The following SCAPER variants were observed in gnomAD, a reference collection of about 807,000 sequenced individuals.
SCAPER encodes S-phase cyclin A associated protein in the ER, also known as S phase cyclin A-associated protein in the endoplasmic reticulum.
Under a neutral mutation model 182.2 loss-of-function variants are expected in SCAPER, and 98 were observed. The observed-to-expected ratio is 0.54, with a 90% CI of 0.46 to 0.64. The LOEUF (loss-of-function observed/expected upper bound fraction) is 0.64. Ranked by LOEUF, SCAPER falls within the 30% of genes least tolerant of loss-of-function variation. SCAPER has a pLI of 0.00. For synonymous variants in SCAPER, 605 were observed against 564.6 expected (o/e 1.07, Z -1.01); for missense variants, 1,432 against 1,690.0 (o/e 0.85, Z 2.68).
chr15:76,863,820 C>G (rs984457757), intron 2 of SCAPER, among the ~76,000 whole-genome samples: 18 of 152,254 alleles, frequency 1.2e-4, no homozygotes, highest in African/African-American at 3.6e-4. Context: ...GCTTTGCAGC[C>G]TCCACCTGAG....
chr15:76,686,764 A>G (rs1157969020), intron 20 of SCAPER, among the ~76,000 whole-genome samples: 1 of 152,148 alleles, frequency 6.6e-6, no homozygotes, highest in Non-Finnish European at 1.5e-5. Flanking sequence ...TAAGCATTAT[A>G]ATACTGAAGG....
chr15:76,629,903 G>C lies in SCAPER; in HGVS notation c.2646-8074C>G, dbSNP rs192993870. Reference sequence around the variant, plus strand: ...CATCTGGTCTTGGGCTTTTCTTTTGGTTGGTAGGCTATTTATCACCTGCCT... The same window carrying C: ...CATCTGGTCTTGGGCTTTTCTTTTGCTTGGTAGGCTATTTATCACCTGCCT... On this transcript the variant is annotated intron_variant, in intron 21 of 31. Transcript: ENST00000563290. 2.6e-5 allele frequency among the ~76,000 whole-genome samples: 4 copies of C among 152,178 alleles called. No homozygotes were observed. In the East Asian group the frequency reaches 7.7e-4, roughly 29 times the overall value.
intron 15 of SCAPER, among the ~76,000 whole-genome samples, chr15:76,734,877 T>G (rs993116353): frequency 6.6e-6 from 1 of 152,004 alleles, no homozygotes; most frequent in Non-Finnish European, 1.5e-5. Flanking sequence ...ATTCCATCTC[T>G]CTCTCTCTAT....
At chr15:76,796,332 ACCAGTT>A (rs1324951095) in intron 7 of SCAPER, among the ~76,000 whole-genome samples, 1 of 152,230 alleles carries the variant, frequency 6.6e-6, no homozygotes, top group Non-Finnish European at 1.5e-5. Context: ...CAGCAACTTT[ACCAGTT>A]CCCTTTATCA....
At chr15:76,446,932 T>C (rs2048040333) in intron 25 of SCAPER, among the ~76,000 whole-genome samples, 1 of 152,216 alleles carries the variant, frequency 6.6e-6, no homozygotes, top group Admixed American at 6.5e-5. Context: ...CATGATTCAA[T>C]AAATTACATG....
At chr15:76,782,501 G>A (rs972903726) in intron 8 of SCAPER, among the ~76,000 whole-genome samples, 1 of 152,158 alleles carries the variant, frequency 6.6e-6, no homozygotes, top group African/African-American at 2.4e-5. Flanking sequence ...AGATATCCAT[G>A]ACTTGAACTC....
intron 26 of SCAPER, among the ~76,000 whole-genome samples, chr15:76,406,615 T>TACACACACAC (rs36219509): frequency 2.0e-5 from 3 of 149,594 alleles, no homozygotes; most frequent in African/African-American, 7.4e-5. Context: ...AGACCCTGTC[T>TACACACACAC]ACACACACAC....
intron 23 of SCAPER, among the ~76,000 whole-genome samples, chr15:76,524,540 A>G (rs112341998): frequency 1.6e-4 from 25 of 152,204 alleles, no homozygotes; most frequent in African/African-American, 6.0e-4. Context: ...CTTAATATTT[A>G]CATCTTACTG....
intron 22 of SCAPER, among the ~76,000 whole-genome samples, chr15:76,590,419 TA>T (rs1468467361): frequency 6.6e-6 from 1 of 152,172 alleles, no homozygotes; most frequent in Admixed American, 6.5e-5. Flanking sequence ...AAATACACTA[TA>T]AAAAATTACA....
intron 23 of SCAPER, among the ~76,000 whole-genome samples, chr15:76,525,608 G>A: frequency 6.6e-6 from 1 of 152,136 alleles, no homozygotes; most frequent in South Asian, 2.1e-4. Context: ...TTATCAGTGA[G>A]AACATGTGGT....
chr15:76,763,496 G>C (rs2062923720), intron 14 of SCAPER, among the ~76,000 whole-genome samples: 1 of 151,830 alleles, frequency 6.6e-6, no homozygotes, highest in African/African-American at 2.4e-5. Context: ...CTATGAGCTT[G>C]AGTCTGGATA....
chr15:76,689,448 T>G (rs1385208633), intron 20 of SCAPER, among the ~76,000 whole-genome samples: 2 of 152,064 alleles, frequency 1.3e-5, no homozygotes, highest in Non-Finnish European at 2.9e-5. Context: ...TGTGTATATT[T>G]TATTAAAATA....
chr15:76,407,592 ATATAG>A (rs983410859), intron 26 of SCAPER, among the ~76,000 whole-genome samples: 4 of 152,198 alleles, frequency 2.6e-5, no homozygotes, highest in Non-Finnish European at 4.4e-5. Context: ...ATAGAAATTT[ATATAG>A]TAAAGAAAAG....
At chr15:76,545,758 T>C (rs2144832440) in intron 23 of SCAPER, among the ~76,000 whole-genome samples, 1 of 151,538 alleles carries the variant, frequency 6.6e-6, no homozygotes, top group Non-Finnish European at 1.5e-5. Context: ...GAAATAAGAG[T>C]TCAGGAAGGT....
At chr15:76,456,442 G>A (rs2048741763) in intron 25 of SCAPER, among the ~76,000 whole-genome samples, 1 of 152,146 alleles carries the variant, frequency 6.6e-6, no homozygotes, top group South Asian at 2.1e-4. Flanking sequence ...TCATCCCACT[G>A]TCTTCAGAGG....
At chr15:76,676,257 C>T (rs995807020) in intron 20 of SCAPER, among the ~76,000 whole-genome samples, 4 of 152,190 alleles carry the variant, frequency 2.6e-5, no homozygotes, top group African/African-American at 7.2e-5. Context: ...CTTAACACCC[C>T]ACTTCCTTCA....
At chr15:76,838,695 C>T (rs944217423) in intron 5 of SCAPER, among the ~76,000 whole-genome samples, 7 of 152,134 alleles carry the variant, frequency 4.6e-5, no homozygotes, top group Non-Finnish European at 8.8e-5. Context: ...CATCTAGTTC[C>T]CTCCAGATTG....
chr15:76,422,908 A>T (rs1156447708), intron 26 of SCAPER, among the ~76,000 whole-genome samples: 1 of 152,190 alleles, frequency 6.6e-6, no homozygotes, highest in Non-Finnish European at 1.5e-5. Context: ...TTCTGTTTAT[A>T]TGCTGGATTA....
intron 4 of SCAPER, among the ~76,000 whole-genome samples, chr15:76,851,645 G>T (rs764848910): frequency 2.0e-5 from 3 of 152,186 alleles, no homozygotes; most frequent in Non-Finnish European, 4.4e-5. Context: ...TGTTGAGAGA[G>T]TTTATGACTA....
Sources: gnomAD v4.1 joint callset for allele counts (sites outside exome capture counted in the v4.1 genomes callset) on GRCh38, gnomAD v4.1.1 for gene constraint, MANE v1.5 for transcripts, NCBI Gene and HGNC (gene_info 2026-07-23, HGNC 2026-07-21) for gene names.